SLC24A2: variants seen among roughly 807,000 people sequenced by gnomAD.
SLC24A2 encodes the protein solute carrier family 24 member 2.
A neutral mutation model predicts 62.0 loss-of-function variants in SLC24A2; 36 were observed. That is an observed-to-expected ratio of 0.58 (90% CI 0.44 to 0.77). The LOEUF (loss-of-function observed/expected upper bound fraction) is 0.77. Ranked by LOEUF, SLC24A2 falls within the 30% of genes least tolerant of loss-of-function variation. The pLI is 0.00. For missense variants in SLC24A2, 846 were observed against 817.9 expected (o/e 1.03, Z -0.42); for synonymous variants, 358 against 294.0 (o/e 1.22, Z -2.23).
the SLC24A2 span, among the ~76,000 whole-genome samples, chr9:20,165,852 T>C: frequency 1.3e-5 from 2 of 151,656 alleles, no homozygotes; most frequent in Non-Finnish European, 2.9e-5. Context: ...CAAAAACAAA[T>C]GACAAATTGG....
chr9:19,880,953 T>C, the SLC24A2 span, among the ~76,000 whole-genome samples: 1 of 152,170 alleles, frequency 6.6e-6, no homozygotes, highest in Non-Finnish European at 1.5e-5. Context: ...GTCTTGGCTC[T>C]TTTCTCTACT....
chr9:19,929,110 A>T, the SLC24A2 span: 1 of 152,226 alleles, frequency 6.6e-6, no homozygotes, highest in Non-Finnish European at 1.5e-5. Flanking sequence ...TGTCTGGAGA[A>T]TAACCTGTAT....
At chr9:19,606,586 G>A (rs1192705303) in intron 4 of SLC24A2, among the ~76,000 whole-genome samples, 1 of 152,174 alleles carries the variant, frequency 6.6e-6, no homozygotes, top group Admixed American at 6.5e-5. Context: ...TCCCAATGGG[G>A]TTACCACTCA....
At chr9:19,635,399 T>C (rs1462766304) in intron 2 of SLC24A2, among the ~76,000 whole-genome samples, 2 of 152,218 alleles carry the variant, frequency 1.3e-5, no homozygotes, top group African/African-American at 2.4e-5. Flanking sequence ...GCAGGTCCCA[T>C]AGTACAAGCT....
At chr9:19,951,878 A>T in the SLC24A2 span, among the ~76,000 whole-genome samples, 1 of 152,094 alleles carries the variant, frequency 6.6e-6, no homozygotes, top group East Asian at 1.9e-4. Context: ...ACAACCTCAC[A>T]AGGATTTTAA....
intron 2 of SLC24A2, among the ~76,000 whole-genome samples, chr9:19,627,731 G>C (rs1276993563): frequency 2.0e-5 from 3 of 152,052 alleles, no homozygotes; most frequent in Non-Finnish European, 4.4e-5. Context: ...CCAGGGTCTT[G>C]CTATATTGCC....
At chr9:20,068,220 G>A in the SLC24A2 span, among the ~76,000 whole-genome samples, 1 of 151,638 alleles carries the variant, frequency 6.6e-6, no homozygotes, top group Admixed American at 6.6e-5. Flanking sequence ...CCAACACCAC[G>A]CCTGGATAAT....
the SLC24A2 span, among the ~76,000 whole-genome samples, chr9:20,280,029 G>A: frequency 6.6e-6 from 1 of 152,238 alleles, no homozygotes; most frequent in South Asian, 2.1e-4. Flanking sequence ...ATTCTAAGCA[G>A]CAGGGTCTGG....
At chr9:19,587,267 A>G (rs975792777) in intron 5 of SLC24A2, among the ~76,000 whole-genome samples, 1 of 152,196 alleles carries the variant, frequency 6.6e-6, no homozygotes, top group South Asian at 2.1e-4. Context: ...CTTTTGAGGA[A>G]CCTATATATT....
chr9:20,147,363 T>C, the SLC24A2 span, among the ~76,000 whole-genome samples: 2 of 152,156 alleles, frequency 1.3e-5, no homozygotes, highest in African/African-American at 4.8e-5. Context: ...AGGAAAACCA[T>C]GTGGTAATGT....
intron 2 of SLC24A2, among the ~76,000 whole-genome samples, chr9:19,740,416 A>G (rs2118762560): frequency 6.6e-6 from 1 of 152,366 alleles, no homozygotes; most frequent in East Asian, 1.9e-4. Context: ...AACTATGGCT[A>G]TATGCAACAA....
the SLC24A2 span, among the ~76,000 whole-genome samples, chr9:20,005,252 C>T: frequency 6.6e-6 from 1 of 151,936 alleles, no homozygotes. Context: ...TTCATTTGAA[C>T]AAATTGTTGG....
At chr9:20,110,832 A>G in the SLC24A2 span, among the ~76,000 whole-genome samples, 2 of 152,230 alleles carry the variant, frequency 1.3e-5, no homozygotes, top group African/African-American at 2.4e-5. Flanking sequence ...GAAAAACACA[A>G]TACTATATTT....
At chr9:19,982,530 G>A in the SLC24A2 span, among the ~76,000 whole-genome samples, 1 of 152,136 alleles carries the variant, frequency 6.6e-6, no homozygotes, top group African/African-American at 2.4e-5. Context: ...ATAGACTGGA[G>A]GGCGATGAGT....
At chr9:20,065,152 G>A in the SLC24A2 span, among the ~76,000 whole-genome samples, 1 of 152,164 alleles carries the variant, frequency 6.6e-6, no homozygotes, top group Non-Finnish European at 1.5e-5. Context: ...CATAGCTCTG[G>A]GGAAAACCAG....
At chr9:19,523,928 G>A (rs1346491924) in intron 9 of SLC24A2, among the ~76,000 whole-genome samples, 1 of 152,050 alleles carries the variant, frequency 6.6e-6, no homozygotes, top group Non-Finnish European at 1.5e-5. Flanking sequence ...GTGAATCTGT[G>A]TGGCTCTAGA....
the SLC24A2 span, among the ~76,000 whole-genome samples, chr9:20,153,018 G>A: frequency 7.9e-5 from 12 of 151,872 alleles, no homozygotes; most frequent in Non-Finnish European, 1.2e-4. Flanking sequence ...GCTAGAGACC[G>A]ACAAACAGAG....
At chr9:20,017,704 G>A in the SLC24A2 span, among the ~76,000 whole-genome samples, 1 of 152,296 alleles carries the variant, frequency 6.6e-6, no homozygotes, top group East Asian at 1.9e-4. Context: ...ACTGGTGTAT[G>A]TCCAAGTGCT....
chr9:20,205,367 G>A, the SLC24A2 span, among the ~76,000 whole-genome samples: 2 of 152,044 alleles, frequency 1.3e-5, no homozygotes, highest in Admixed American at 1.3e-4. Context: ...ACTAAGGTTA[G>A]GCCGGGCGCA....
Sources: allele counts gnomAD v4.1 joint callset (sites outside exome capture counted in the v4.1 genomes callset), GRCh38; gene constraint gnomAD v4.1.1; transcripts MANE v1.5; gene names NCBI Gene and HGNC (gene_info 2026-07-23, HGNC 2026-07-21).